Variants in CCSER1 observed in about 807,000 individuals in gnomAD.
CCSER1 encodes the protein coiled-coil serine rich protein 1.
A neutral mutation model predicts 82.0 loss-of-function variants in CCSER1; 41 were observed. That is an observed-to-expected ratio of 0.50 (90% CI 0.39 to 0.65). CCSER1 has a LOEUF of 0.65. Ranked by LOEUF, CCSER1 falls within the 30% of genes least tolerant of loss-of-function variation. CCSER1 has a pLI of 0.00. For missense variants in CCSER1, 1,119 were observed against 1,064.2 expected (o/e 1.05, Z -0.72); for synonymous variants, 414 against 383.9 (o/e 1.08, Z -0.92).
chr4:90,663,023 G>C (rs896212239), intron 6 of CCSER1, among the ~76,000 whole-genome samples: 1 of 151,972 alleles, frequency 6.6e-6, no homozygotes, highest in East Asian at 1.9e-4. Flanking sequence ...TTATGTTTTT[G>C]TTCTCTATAA....
chr4:90,995,476 T>G (rs1737410925), intron 9 of CCSER1, among the ~76,000 whole-genome samples: 1 of 152,088 alleles, frequency 6.6e-6, no homozygotes, highest in Non-Finnish European at 1.5e-5. Flanking sequence ...CCTGTAGAGA[T>G]TCTGGTAATT....
intron 8 of CCSER1, among the ~76,000 whole-genome samples, chr4:90,851,448 G>A (rs1376906104): frequency 8.5e-6 from 1 of 117,488 alleles, no homozygotes; most frequent in African/African-American, 3.2e-5. Flanking sequence ...GAGGCTGCCT[G>A]AAGTACATGG....
intron 7 of CCSER1, among the ~76,000 whole-genome samples, chr4:90,770,493 T>A (rs957334601): frequency 6.6e-6 from 1 of 152,192 alleles, no homozygotes; most frequent in Non-Finnish European, 1.5e-5. Flanking sequence ...AAATAATGAG[T>A]TATTGAACAA....
chr4:90,651,785 C>G lies in CCSER1; in HGVS notation c.1932+23553C>G, dbSNP rs1220172649. On this transcript the variant is annotated intron_variant, in intron 6 of 10. Coordinates refer to ENST00000509176, the MANE Select transcript of CCSER1 (RefSeq NM_001145065.2). ...AAATTTGAAAGCTAATGTCTCCTTC[C>G]AAGACAAGTTTTGGCAGGTTTGCTA... Among the ~76,000 whole-genome samples the G allele has an allele frequency of 3.3e-5, 5 of 152,052 alleles. No individual in the cohort carries two copies. The South Asian group carries it at 1.0e-3, about 32-fold the overall frequency.
At chr4:91,159,412 A>C (rs1414921686) in intron 10 of CCSER1, among the ~76,000 whole-genome samples, 2 of 151,998 alleles carry the variant, frequency 1.3e-5, no homozygotes, top group Admixed American at 1.3e-4. Context: ...TTTCCGATAA[A>C]AATATCTCCA....
At chr4:90,784,867 T>A (rs2149629303) in intron 7 of CCSER1, among the ~76,000 whole-genome samples, 1 of 152,324 alleles carries the variant, frequency 6.6e-6, no homozygotes, top group African/African-American at 2.4e-5. Context: ...AAAATGTTTT[T>A]AAGGAAATCA....
At chr4:90,463,276 C>A (rs1763174954) in intron 4 of CCSER1, among the ~76,000 whole-genome samples, 2 of 152,214 alleles carry the variant, frequency 1.3e-5, no homozygotes, top group South Asian at 2.1e-4. Flanking sequence ...AAAAGATAAA[C>A]TATTACATTT....
intron 7 of CCSER1, among the ~76,000 whole-genome samples, chr4:90,795,900 T>G (rs2149680018): frequency 6.6e-6 from 1 of 152,346 alleles, no homozygotes; most frequent in Admixed American, 6.5e-5. Flanking sequence ...GTTTTGCCAG[T>G]ATTTTTTTGA....
intron 10 of CCSER1, among the ~76,000 whole-genome samples, chr4:91,241,615 C>A (rs929893859): frequency 1.1e-4 from 17 of 152,058 alleles, no homozygotes; most frequent in Non-Finnish European, 1.8e-4. Context: ...CATGAGGCAC[C>A]GTGCCTGGCC....
intron 7 of CCSER1, among the ~76,000 whole-genome samples, chr4:90,792,763 C>T (rs1235834876): frequency 6.6e-6 from 1 of 152,198 alleles, no homozygotes; most frequent in Non-Finnish European, 1.5e-5. Context: ...TTGTGCCAGG[C>T]AGGCAAGGTG....
intron 10 of CCSER1, among the ~76,000 whole-genome samples, chr4:91,467,039 C>T (rs555731423): frequency 1.3e-5 from 2 of 152,282 alleles, no homozygotes; most frequent in East Asian, 1.9e-4. Context: ...GAAGAGCCCA[C>T]ATTGCCAAGA....
At chr4:90,324,132 G>A (rs530329226) in intron 3 of CCSER1, among the ~76,000 whole-genome samples, 11 of 152,230 alleles carry the variant, frequency 7.2e-5, no homozygotes, top group South Asian at 4.1e-4. Context: ...ATAAACATAC[G>A]TGTGCATGTG....
chr4:91,070,852 C>T (rs762268204), intron 9 of CCSER1, among the ~76,000 whole-genome samples: 4 of 152,082 alleles, frequency 2.6e-5, no homozygotes, highest in Non-Finnish European at 5.9e-5. Context: ...AAAATAAAGT[C>T]TTTGTCACTG....
At chr4:90,270,046 G>A (rs1725965054) in intron 1 of CCSER1, among the ~76,000 whole-genome samples, 1 of 151,880 alleles carries the variant, frequency 6.6e-6, no homozygotes, top group African/African-American at 2.4e-5. Flanking sequence ...ATCCAGAAAA[G>A]AAAAGCCCAA....
In CCSER1 at chr4:91,185,431, G is replaced by T. The variant is rs565135204; in HGVS notation, c.2217+99437G>T. On this transcript the variant is annotated intron_variant, in intron 10 of 10. Transcript: ENST00000509176. ...AAAAGTAATCCTATTGTCCCTGCTG[G>T]CAAGGGTCCTCCACAGACTCCTGTT... 3.5e-4 allele frequency among the ~76,000 whole-genome samples: 54 copies of T among 152,256 alleles called. No individual in the cohort carries two copies. In the South Asian group the frequency reaches 0.011, roughly 30 times the overall value.
chr4:90,574,330 G>T (rs997336064), intron 5 of CCSER1, among the ~76,000 whole-genome samples: 1 of 134,982 alleles, frequency 7.4e-6, no homozygotes. Context: ...CTGCAGTGGC[G>T]CAATCTCGGC....
chr4:91,565,026 TTGTGTGTGTGTGTGTGTGTGTGTGTG>T (rs56723869), intron 10 of CCSER1, among the ~76,000 whole-genome samples: 28 of 131,128 alleles, frequency 2.1e-4, no homozygotes, highest in Middle Eastern at 4.1e-3. Context: ...GCACCTTGAG[TTGTGTGTGTGTGTGTGTGTGTGTGTG>T]TGTGTGTGTG....
chr4:90,245,908 C>G (rs989009245), intron 1 of CCSER1, among the ~76,000 whole-genome samples: 3 of 152,064 alleles, frequency 2.0e-5, no homozygotes, highest in African/African-American at 7.2e-5. Context: ...GAAAAAAAAG[C>G]AGCCTTTTGT....
intron 5 of CCSER1, among the ~76,000 whole-genome samples, chr4:90,541,742 T>C (rs1474511452): frequency 6.6e-6 from 1 of 152,124 alleles, no homozygotes; most frequent in Non-Finnish European, 1.5e-5. Context: ...TTATGTTATT[T>C]ATAAATGTTA....
Sources: gnomAD v4.1 joint callset for allele counts (sites outside exome capture counted in the v4.1 genomes callset) on GRCh38, gnomAD v4.1.1 for gene constraint, MANE v1.5 for transcripts, NCBI Gene and HGNC (gene_info 2026-07-23, HGNC 2026-07-21) for gene names.